ANKRD54: variants seen among roughly 807,000 people sequenced by gnomAD.
The protein encoded by ANKRD54 is ankyrin repeat domain-containing protein 54.
Under a neutral mutation model 36.2 loss-of-function variants are expected in ANKRD54, and 26 were observed. That is an observed-to-expected ratio of 0.72 (90% CI 0.53 to 1.00). ANKRD54 has a LOEUF of 1.00. ANKRD54 is among the 50% of genes least tolerant of loss of function. The probability of loss-of-function intolerance (pLI) is 0.00; values close to 1 mark genes in which losing one functional copy is unlikely to be tolerated. For missense variants in ANKRD54, 384 were observed against 424.3 expected, an observed-to-expected ratio of 0.91 and a Z score of 0.83; for synonymous variants, 209 against 188.4, an observed-to-expected ratio of 1.11 and a Z score of -0.89.
chr22:37,833,557 G>C (rs1196675670), intron 4 of ANKRD54, 127 bp downstream of exon 4: 2 of 1,001,248 alleles, frequency 2.0e-6, no homozygotes, highest in Non-Finnish European at 3.0e-6. Context: ...AGCCCTGGGA[G>C]TGCAGGCCTA....
chr22:37,838,460 C>G, intron 3 of ANKRD54, 40 bp downstream of exon 3: 2 of 1,570,872 alleles, frequency 1.3e-6, no homozygotes, highest in African/African-American at 1.4e-5. Flanking sequence ...AGAGACACTA[C>G]TTGCCTAGCC....
intron 3 of ANKRD54, chr22:37,834,729 GAGAA>G (rs1176255900): frequency 2.0e-5 from 2 of 97,636 alleles, no homozygotes; most frequent in East Asian, 3.0e-4. Context: ...AAAAAAAAAA[GAGAA>G]AGGAAAGAAA....
chr22:37,837,602 G>T (rs1460971851), intron 3 of ANKRD54, among the ~76,000 whole-genome samples: 1 of 152,220 alleles, frequency 6.6e-6, no homozygotes, highest in African/African-American at 2.4e-5. Flanking sequence ...TGGTATCTGA[G>T]TGGGGTCCTG....
At chr22:37,846,121 G>T (rs570238547), upstream of ANKRD54, among the ~76,000 whole-genome samples, 20 of 152,086 alleles carry the variant, frequency 1.3e-4, no homozygotes, top group East Asian at 3.9e-3. Context: ...CTTGCGGTGA[G>T]CCGAGATCGC....
intron 1 of ANKRD54, among the ~76,000 whole-genome samples, chr22:37,841,083 A>G (rs1924180581): frequency 7.1e-5 from 1 of 14,066 alleles, no homozygotes; most frequent in Non-Finnish European, 1.2e-4. Context: ...CTGTCTCAGG[A>G]AAAAAAAAAA....
Position 37,839,992 on chromosome 22 carries a change from G to A in ANKRD54, c.376+195C>T, listed in dbSNP as rs112734249. Among the ~76,000 whole-genome samples the A allele has an allele frequency of 2.7e-3, 409 of 152,328 alleles. 1 individual carries two copies. Among genetic ancestry groups the A allele is most frequent in the Middle Eastern group, 0.017 (5 of 294 alleles). Reference sequence around the variant, plus strand: ...GACATCAGGAAGTTCAAAGTGACAGGGGAGCATGGGGAGAGTGAGTGTCTA... The same window carrying A: ...GACATCAGGAAGTTCAAAGTGACAGAGGAGCATGGGGAGAGTGAGTGTCTA... On this transcript the variant is annotated intron_variant, in intron 2 of 7. Coordinates refer to ENST00000215941, the MANE Select transcript of ANKRD54 (RefSeq NM_138797.4).
At chr22:37,848,808 G>A, upstream of ANKRD54, 1 of 152,508 alleles carries the variant, frequency 6.6e-6, no homozygotes, top group Non-Finnish European at 1.5e-5. Context: ...CCCCGTATCC[G>A]AATCTTCCTT....
rs925078852 is a variant in ANKRD54, at chr22:37,844,087, GCGC to G, written c.149_151del (p.Gly50del). ...GCCGGACGCCCGGCCCGAGAGGCCC[GCGC>G]CGCCGCCGCCCAGCGCAGACCCGAA... is the stretch of plus-strand genomic sequence containing the variant. On this transcript the variant is annotated inframe_deletion, in exon 1 of 8. Transcript: ENST00000215941. 21 of 1,448,606 alleles carry G rather than the reference GCGC, an allele frequency of 1.4e-5. No individual in the cohort carries two copies. The highest frequency in any genetic ancestry group is 6.8e-5 in the South Asian group (5 of 74,012). The allele number at this position is 1,448,606 out of a possible 1,614,324, so 89.7% of individuals were successfully genotyped here.
At chr22:37,840,806 G>C (rs985084301) in intron 1 of ANKRD54, among the ~76,000 whole-genome samples, 1 of 151,356 alleles carries the variant, frequency 6.6e-6, no homozygotes, top group African/African-American at 2.4e-5. Context: ...AGAATCACTT[G>C]AACCCAGGAC....
intron 2 of ANKRD54, among the ~76,000 whole-genome samples, chr22:37,839,695 C>T (rs1287449474): frequency 3.3e-5 from 5 of 151,954 alleles, no homozygotes; most frequent in Non-Finnish European, 7.4e-5. Flanking sequence ...CTAACATTTA[C>T]TTTTTGTAGA....
upstream of ANKRD54, chr22:37,848,651 CT>C (rs1569107466): frequency 6.6e-6 from 1 of 152,180 alleles, no homozygotes; most frequent in African/African-American, 2.4e-5. Flanking sequence ...CCGCCTCGGC[CT>C]CCCAAAGTGT....
At chr22:37,847,371 A>G (rs1239774496), upstream of ANKRD54, among the ~76,000 whole-genome samples, 4 of 151,540 alleles carry the variant, frequency 2.6e-5, no homozygotes, top group Non-Finnish European at 5.9e-5. Flanking sequence ...TATGTTGGCC[A>G]GGCTGGTCTC....
chr22:37,849,305 G>C, upstream of ANKRD54: 4 of 997,860 alleles, frequency 4.0e-6, no homozygotes, highest in Non-Finnish European at 6.4e-6. Flanking sequence ...CTTCCTTCTG[G>C]ATATGGCTGT....
At chr22:37,839,953 G>GACTCC (rs1924016618) in intron 2 of ANKRD54, among the ~76,000 whole-genome samples, 1 of 152,244 alleles carries the variant, frequency 6.6e-6, no homozygotes, top group African/African-American at 2.4e-5. Context: ...AGTCCACAGG[G>GACTCC]TGGTAAATGC....
chr22:37,836,541 G>A (rs1489179256), intron 3 of ANKRD54, among the ~76,000 whole-genome samples: 1 of 151,338 alleles, frequency 6.6e-6, no homozygotes, highest in African/African-American at 2.4e-5. Flanking sequence ...GACACAGGGA[G>A]GGGAACATCA....
At chr22:37,835,045 C>T (rs1923355627) in intron 3 of ANKRD54, among the ~76,000 whole-genome samples, 1 of 148,198 alleles carries the variant, frequency 6.7e-6, no homozygotes, top group Non-Finnish European at 1.5e-5. Context: ...GGTGACAGAG[C>T]GAGACTCTGT....
At chr22:37,844,363 C>T (rs369047913), upstream of ANKRD54, 1 of 1,112,510 alleles carries the variant, frequency 9.0e-7, no homozygotes, top group Non-Finnish European at 1.2e-6. Context: ...GCAACCACGG[C>T]AACCGAGCGG....
Position 37,833,747 on chromosome 22 carries a change from G to A in ANKRD54, c.484C>T (p.Leu162Phe), listed in dbSNP as rs1438350018. 4.3e-6 allele frequency: 7 copies of A among 1,614,032 alleles called. No individual in the cohort carries two copies. Among genetic ancestry groups the A allele is most frequent in the African/African-American group, 1.3e-5 (1 of 75,064 alleles). Residue 162 changes from leucine (L) to phenylalanine (F), a missense_variant, in exon 4 of 8, where the codon CTC becomes TTC. By Grantham distance (22) the Leu-to-Phe change is conservative. Transcript: ENST00000215941. ...TTAGGATCAGCACCATGGTCCAGGA[G>A]CAGCTGCACTGGAAACAGGCAAACC... ...CNGNDQIVQL[L>F]LDHGADPNQR...
At chr22:37,832,793 C>A in intron 6 of ANKRD54, 49 bp from the exon 7 acceptor site, 1 of 1,607,596 alleles carries the variant, frequency 6.2e-7, no homozygotes, top group Non-Finnish European at 8.5e-7. Flanking sequence ...GGGAGGCAGA[C>A]AGGCTGATGC....
Sources: allele counts gnomAD v4.1 joint callset (sites outside exome capture counted in the v4.1 genomes callset), GRCh38; gene constraint gnomAD v4.1.1; transcripts MANE v1.5; gene names NCBI Gene and HGNC (gene_info 2026-07-23, HGNC 2026-07-21).